The following HIF3A variants were observed in gnomAD, a reference collection of about 807,000 sequenced individuals.
The protein encoded by HIF3A is hypoxia inducible factor 3 subunit alpha, also known as hypoxia-inducible factor 3-alpha.
In HIF3A, 41 loss-of-function variants were observed where a neutral mutation model predicts 67.2. That is an observed-to-expected ratio of 0.61 (90% CI 0.48 to 0.79). HIF3A has a LOEUF of 0.79. HIF3A is among the 30% of genes least tolerant of loss of function. HIF3A has a pLI of 0.00. For missense variants in HIF3A, 855 were observed against 898.0 expected (o/e 0.95, Z 0.61); for synonymous variants, 356 against 374.8 (o/e 0.95, Z 0.58).
rs993725176 is a variant in HIF3A, at chr19:46,341,967, G to C, written c.*2345G>C. Reference sequence around the variant, plus strand: ...CCCTGTCCTTATCTTATAATAACCAGTTCTTCTAGAACCAGACGATGCTCT... The same window carrying C: ...CCCTGTCCTTATCTTATAATAACCACTTCTTCTAGAACCAGACGATGCTCT... On this transcript the variant is annotated 3_prime_UTR_variant, in exon 15 of 15. Coordinates refer to ENST00000377670, the MANE Select transcript of HIF3A (RefSeq NM_152795.4). The C allele has an allele frequency of 2.0e-5, 3 of 152,134 alleles. No homozygotes were observed. The highest frequency in any genetic ancestry group is 2.9e-5 in the Non-Finnish European group (2 of 68,046). The allele number at this position is 152,134 out of a possible 1,614,324, so 9.4% of individuals were successfully genotyped here.
intron 4 of HIF3A, 108 bp from the exon 5 acceptor site, chr19:46,308,555 C>T: frequency 1.4e-6 from 1 of 694,890 alleles, no homozygotes; most frequent in Non-Finnish European, 2.4e-6. Flanking sequence ...GTTCCAGGTC[C>T]CAATTGTTGG....
At chr19:46,300,897 C>G (rs2147106474) in intron 1 of HIF3A, among the ~76,000 whole-genome samples, 1 of 152,220 alleles carries the variant, frequency 6.6e-6, no homozygotes, top group South Asian at 2.1e-4. Flanking sequence ...ATGGAAGAAG[C>G]AGCCCAGCCA....
chr19:46,304,670 T>C (rs1968674873), intron 2 of HIF3A, among the ~76,000 whole-genome samples: 1 of 152,076 alleles, frequency 6.6e-6, no homozygotes, highest in Non-Finnish European at 1.5e-5. Context: ...ATAAACCCCG[T>C]GGAATCCCAG....
intron 6 of HIF3A, 186 bp from the exon 7 acceptor site, chr19:46,311,975 T>G (rs1969464645): frequency 1.3e-6 from 1 of 762,396 alleles, no homozygotes; most frequent in Non-Finnish European, 2.4e-6. Context: ...TGTGGACATC[T>G]TTGGGGGTCA....
At chr19:46,308,621 G>A (rs772978166) in intron 4 of HIF3A, 42 bp from the exon 5 acceptor site, 2 of 1,247,500 alleles carry the variant, frequency 1.6e-6, no homozygotes, top group Non-Finnish European at 2.3e-6. Flanking sequence ...GGGCCTGTGT[G>A]TAGCTGCCTG....
chr19:46,298,320 C>T (rs1316648186), intron 1 of HIF3A: 2 of 1,124,694 alleles, frequency 1.8e-6, no homozygotes, highest in East Asian at 5.8e-5. Flanking sequence ...CTCTCAGCGC[C>T]CCCTCCTGGC....
chr19:46,310,086 A>T (rs8106485), intron 6 of HIF3A, among the ~76,000 whole-genome samples: 1 of 151,986 alleles, frequency 6.6e-6, no homozygotes, highest in African/African-American at 2.4e-5. Context: ...TTAGCTGGGC[A>T]TGGTGGCGCA....
chr19:46,334,992 T>C lies in HIF3A; in HGVS notation c.1912+6T>C, dbSNP rs1229116581. On this transcript the variant is annotated splice_donor_region_variant and intron_variant, in intron 14 of 14. Transcript: ENST00000377670. ...GAACCTGAATGAGCCCCTGGGTGAG[T>C]AGCAACCTGGGTATCCAGAGCCCCA... The C allele has an allele frequency of 6.3e-7, 1 of 1,599,320 alleles. No homozygotes were observed. Among genetic ancestry groups the C allele is most frequent in the East Asian group, 2.3e-5 (1 of 44,346 alleles).
intron 13 of HIF3A, among the ~76,000 whole-genome samples, chr19:46,333,916 C>T (rs1449093320): frequency 3.3e-5 from 5 of 150,386 alleles, no homozygotes; most frequent in Admixed American, 3.3e-4. Context: ...CCTCAGCCTC[C>T]CAAGTAGCTG....
At chr19:46,299,718 A>G (rs561105290) in intron 1 of HIF3A, among the ~76,000 whole-genome samples, 1,096 of 88,622 alleles carry the variant, frequency 0.012, 20 homozygotes, top group African/African-American at 0.034. Context: ...GCAAAAAAAA[A>G]AAAAATAGAA....
Position 46,312,557 on chromosome 19 carries a change from G to A in HIF3A, c.929G>A (p.Ser310Asn). The A allele has an allele frequency of 6.2e-7, 1 of 1,613,668 alleles. No individual in the cohort carries two copies. The highest frequency in any genetic ancestry group is 1.7e-5 in the Admixed American group (1 of 59,922). ...GGGCAGTATCGCTTCCTGGCCCGGAGTGGTGGCTACCTGTGGACCCAGACC... is the reference window on the plus strand; with the variant it reads ...GGGCAGTATCGCTTCCTGGCCCGGAATGGTGGCTACCTGTGGACCCAGACC... ...VTGQYRFLARSGGYLWTQTQA... is the reference protein window; with the variant it reads ...VTGQYRFLARNGGYLWTQTQA... The change falls in exon 8 of 15, where the codon AGT (serine) becomes AAT (asparagine). Residue 310 changes from serine to asparagine, a missense_variant. Around this residue, in one of 3 missense-constraint regions of HIF3A, gnomAD observed 638 missense variants for 660.5 expected, o/e 0.97. Coordinates refer to ENST00000377670, the MANE Select transcript of HIF3A (RefSeq NM_152795.4).
At chr19:46,334,404 T>A (rs1426406941) in intron 13 of HIF3A, among the ~76,000 whole-genome samples, 2 of 152,356 alleles carry the variant, frequency 1.3e-5, no homozygotes, top group East Asian at 1.9e-4. Context: ...TTTCATTTTT[T>A]AAATTTTTTT....
chr19:46,324,907 TAC>T (rs1179829532), intron 10 of HIF3A, among the ~76,000 whole-genome samples: 210 of 145,626 alleles, frequency 1.4e-3, no homozygotes, highest in African/African-American at 4.8e-3. Context: ...TATATATATA[TAC>T]ACACACACAT....
chr19:46,304,314 A>C, intron 2 of HIF3A: 1 of 572,630 alleles, frequency 1.7e-6, no homozygotes. Context: ...CTCGAAGTCT[A>C]TCACTTGTGA....
chr19:46,317,358 AAAT>A (rs1195599587), intron 8 of HIF3A, among the ~76,000 whole-genome samples: 1 of 152,016 alleles, frequency 6.6e-6, no homozygotes, highest in Non-Finnish European at 1.5e-5. Context: ...CCAGGCCTAC[AAAT>A]CAACTTATGC....
intron 10 of HIF3A, among the ~76,000 whole-genome samples, chr19:46,324,819 A>C (rs889601180): frequency 1.3e-5 from 2 of 150,194 alleles, no homozygotes; most frequent in African/African-American, 4.9e-5. Context: ...ACGCCATTGC[A>C]CTCCAACCTG....
chr19:46,301,990 TTATCAA>T (rs1968379121), intron 1 of HIF3A, among the ~76,000 whole-genome samples: 1 of 152,118 alleles, frequency 6.6e-6, no homozygotes, highest in Non-Finnish European at 1.5e-5. Context: ...ATAGTAATAT[TTATCAA>T]TATAAATGTA....
intron 1 of HIF3A, among the ~76,000 whole-genome samples, chr19:46,301,581 T>C (rs1968334867): frequency 6.6e-6 from 1 of 152,072 alleles, no homozygotes; most frequent in Non-Finnish European, 1.5e-5. Context: ...ATCCCAGCAC[T>C]TTGGGAGGCT....
At chr19:46,301,578 C>T (rs963655870) in intron 1 of HIF3A, among the ~76,000 whole-genome samples, 5 of 152,162 alleles carry the variant, frequency 3.3e-5, no homozygotes, top group African/African-American at 1.2e-4. Context: ...GTAATCCCAG[C>T]ACTTTGGGAG....
Sources: gnomAD v4.1 joint callset for allele counts (sites outside exome capture counted in the v4.1 genomes callset) on GRCh38, gnomAD v4.1.1 for gene constraint, gnomAD v4.1.1 regional missense constraint, MANE v1.5 for transcripts, NCBI Gene and HGNC (gene_info 2026-07-23, HGNC 2026-07-21) for gene names.